ERO1B: variants seen among roughly 807,000 people sequenced by gnomAD.
ERO1B encodes endoplasmic reticulum oxidoreductase 1 beta, also known as ERO1-like protein beta.
A neutral mutation model predicts 75.3 loss-of-function variants in ERO1B; 49 were observed. That is an observed-to-expected ratio of 0.65 (90% CI 0.52 to 0.83). The LOEUF (loss-of-function observed/expected upper bound fraction) is 0.83. Ranked by LOEUF, ERO1B falls within the 40% of genes least tolerant of loss-of-function variation. The pLI, the probability that ERO1B is intolerant of heterozygous loss-of-function variation, is 0.00. For synonymous variants in ERO1B, 191 were observed against 192.9 expected, an observed-to-expected ratio of 0.99 and a Z score of 0.08; for missense variants, 512 against 560.1, an observed-to-expected ratio of 0.91 and a Z score of 0.87.
chr1:236,244,388 A>T (rs1323558417), intron 5 of ERO1B, among the ~76,000 whole-genome samples: 1 of 152,222 alleles, frequency 6.6e-6, no homozygotes, highest in East Asian at 1.9e-4. Context: ...ACATTTTTCC[A>T]GTTCAACTTA....
intron 6 of ERO1B, among the ~76,000 whole-genome samples, chr1:236,240,914 G>A (rs1273165935): frequency 6.6e-6 from 1 of 152,144 alleles, no homozygotes; most frequent in African/African-American, 2.4e-5. Context: ...AGCGAGATGA[G>A]AGCAGGCTTT....
At chr1:236,268,752 G>GATAC (rs1665522929) in intron 2 of ERO1B, among the ~76,000 whole-genome samples, 1 of 152,016 alleles carries the variant, frequency 6.6e-6, no homozygotes, top group Non-Finnish European at 1.5e-5. Context: ...CGTGCGTGGT[G>GATAC]GCAGGTGCCT....
At chr1:236,239,632 G>A (rs73112998) in intron 6 of ERO1B, among the ~76,000 whole-genome samples, 10,374 of 151,342 alleles carry the variant, frequency 0.069, 729 homozygotes, top group East Asian at 0.39. Context: ...GCACAGCTGC[G>A]TCATTCATTC....
chr1:236,273,005 C>A (rs1665631361), intron 1 of ERO1B, among the ~76,000 whole-genome samples: 1 of 152,074 alleles, frequency 6.6e-6, no homozygotes, highest in Non-Finnish European at 1.5e-5. Context: ...CAGAATGCCC[C>A]ACCCCCAAGA....
In ERO1B at chr1:236,266,725, T is replaced by C. The variant is rs114033399; in HGVS notation, c.222+3150A>G. Among the ~76,000 whole-genome samples the C allele has an allele frequency of 6.3e-3, 960 of 152,268 alleles. 10 individuals are homozygous for C. Among genetic ancestry groups the C allele is most frequent in the African/African-American group, 0.022 (917 of 41,554 alleles). On this transcript the variant is annotated intron_variant, in intron 2 of 15. Coordinates refer to ENST00000354619, the MANE Select transcript of ERO1B (RefSeq NM_019891.4). ...TGTAGGTAGAGTATATTGAGTAGAG[T>C]ATATTCCTTCTTATTTCTTTTATAG...
At chr1:236,272,304 G>A (rs1205602561) in intron 1 of ERO1B, among the ~76,000 whole-genome samples, 3 of 152,074 alleles carry the variant, frequency 2.0e-5, no homozygotes, top group Admixed American at 6.5e-5. Flanking sequence ...CAATCATCAC[G>A]TAGTCAAGTA....
intron 2 of ERO1B, among the ~76,000 whole-genome samples, chr1:236,264,429 G>A (rs145968706): frequency 7.2e-5 from 11 of 152,242 alleles, no homozygotes; most frequent in African/African-American, 2.4e-4. Flanking sequence ...ATTTATAAAT[G>A]GAAATAGTTA....
intron 5 of ERO1B, among the ~76,000 whole-genome samples, chr1:236,244,231 CA>C (rs1360069512): frequency 6.6e-6 from 1 of 151,936 alleles, no homozygotes; most frequent in Admixed American, 6.6e-5. Context: ...AAACAAGGTA[CA>C]AAAAACTGTA....
intron 10 of ERO1B, among the ~76,000 whole-genome samples, chr1:236,229,047 A>AT (rs75676486): frequency 0.068 from 10,389 of 152,236 alleles, 741 homozygotes; most frequent in East Asian, 0.39. Context: ...TACATAAGTG[A>AT]TTTTCTCATA....
At chr1:236,236,529 G>T in intron 6 of ERO1B, 131 bp from the exon 7 acceptor site, 2 of 896,444 alleles carry the variant, frequency 2.2e-6, no homozygotes, top group South Asian at 1.7e-5. Flanking sequence ...CAACTTAAAT[G>T]GTATAGTGGT....
At chr1:236,244,809 T>TA (rs1345534745) in intron 5 of ERO1B, among the ~76,000 whole-genome samples, 1 of 151,946 alleles carries the variant, frequency 6.6e-6, no homozygotes, top group African/African-American at 2.4e-5. Flanking sequence ...AGAGGTTATC[T>TA]ACTTCAGCTT....
chr1:236,258,353 A>ACCT (rs1665214596), intron 2 of ERO1B, among the ~76,000 whole-genome samples: 1 of 151,470 alleles, frequency 6.6e-6, no homozygotes, highest in East Asian at 1.9e-4. Context: ...TTCAACAGAA[A>ACCT]CCTTGTAGGC....
At chr1:236,223,072 C>G (rs974294317) in intron 13 of ERO1B, among the ~76,000 whole-genome samples, 1 of 151,880 alleles carries the variant, frequency 6.6e-6, no homozygotes, top group Non-Finnish European at 1.5e-5. Context: ...TGTGGTGGTG[C>G]ATGCCTGTAA....
intron 3 of ERO1B, 32 bp downstream of exon 3, chr1:236,253,390 T>C (rs1344428697): frequency 4.6e-6 from 6 of 1,316,980 alleles, no homozygotes; most frequent in East Asian, 4.6e-5. Flanking sequence ...CAAGAGAAAA[T>C]TGGCTTTGCC....
At chr1:236,239,548 G>A (rs889600178) in intron 6 of ERO1B, among the ~76,000 whole-genome samples, 4 of 151,984 alleles carry the variant, frequency 2.6e-5, no homozygotes, top group African/African-American at 9.7e-5. Flanking sequence ...ACACTAGCTG[G>A]TAGTGCCCAT....
chr1:236,281,128 C>T (rs1325021381), intron 1 of ERO1B, among the ~76,000 whole-genome samples: 2 of 152,188 alleles, frequency 1.3e-5, no homozygotes, highest in Non-Finnish European at 2.9e-5. Flanking sequence ...AAAAATAAAG[C>T]AATCTTGAGC....
chr1:236,247,919 T>C (rs1664923805), intron 5 of ERO1B, among the ~76,000 whole-genome samples: 1 of 124,750 alleles, frequency 8.0e-6, no homozygotes, highest in African/African-American at 2.9e-5. Flanking sequence ...TGTTCAAATG[T>C]TGTATTATCT....
chr1:236,270,938 CA>C (rs1665575592), intron 1 of ERO1B, among the ~76,000 whole-genome samples: 1 of 152,208 alleles, frequency 6.6e-6, no homozygotes, highest in Admixed American at 6.5e-5. Context: ...TTTGTGGTGA[CA>C]AAACTGTTCA....
intron 1 of ERO1B, among the ~76,000 whole-genome samples, chr1:236,276,979 A>G (rs1157859480): frequency 6.6e-6 from 1 of 152,128 alleles, no homozygotes; most frequent in Non-Finnish European, 1.5e-5. Context: ...GGTTGTTTAA[A>G]AGTGTGCAGC....
Sources: gnomAD v4.1 joint callset for allele counts (sites outside exome capture counted in the v4.1 genomes callset) on GRCh38, gnomAD v4.1.1 for gene constraint, MANE v1.5 for transcripts, NCBI Gene and HGNC (gene_info 2026-07-23, HGNC 2026-07-21) for gene names.